CFAP54: variants seen among roughly 807,000 people sequenced by gnomAD.
CFAP54 encodes cilia- and flagella-associated protein 54.
In CFAP54, 290 loss-of-function variants were observed where a neutral mutation model predicts 370.4. The ratio of observed to expected loss-of-function variants is 0.78; its 90% confidence interval spans 0.71 to 0.86. The LOEUF is 0.86. Ranked by LOEUF, CFAP54 falls within the 40% of genes least tolerant of loss-of-function variation. The probability of loss-of-function intolerance (pLI) is 0.00; values close to 1 mark genes in which losing one functional copy is unlikely to be tolerated. For missense variants in CFAP54, 3,399 were observed against 3,528.7 expected (o/e 0.96, Z 0.93); for synonymous variants, 1,206 against 1,236.5 (o/e 0.98, Z 0.52).
At position 96,718,404 on chromosome 12, in the gene CFAP54, A is replaced by G. The variant is rs371434831; in HGVS notation, c.6725-39A>G. ...TAGAATTAATATTTAAACTAACCATAGATATCCTTGGTCCTTCCAAAATTT... is the reference window on the plus strand; with the variant it reads ...TAGAATTAATATTTAAACTAACCATGGATATCCTTGGTCCTTCCAAAATTT... On this transcript the variant is annotated intron_variant, in intron 48 of 67. Coordinates refer to ENST00000524981, the MANE Select transcript of CFAP54 (RefSeq NM_001306084.2). 49 of 935,798 alleles carry G rather than the reference A, an allele frequency of 5.2e-5. No homozygotes were observed. In the African/African-American group the frequency reaches 7.7e-4, roughly 15 times the overall value. 58.0% of individuals were successfully genotyped at this position (935,798 alleles called of 1,614,324 possible). A position where few individuals can be genotyped will look rare whatever the true frequency, so the allele number is the denominator to read the frequency against.
intron 50 of CFAP54, among the ~76,000 whole-genome samples, chr12:96,735,393 G>A (rs1233924230): frequency 6.6e-6 from 1 of 152,124 alleles, no homozygotes; most frequent in Non-Finnish European, 1.5e-5. Context: ...AACTCAGAAG[G>A]GGTTCACTAT....
At chr12:96,644,677 C>G (rs998988772) in intron 33 of CFAP54, among the ~76,000 whole-genome samples, 2 of 152,068 alleles carry the variant, frequency 1.3e-5, no homozygotes, top group South Asian at 4.2e-4. Context: ...GCAAACATGT[C>G]CTTCTACACA....
intron 67 of CFAP54, among the ~76,000 whole-genome samples, chr12:96,869,343 G>A (rs1282436166): frequency 1.3e-5 from 2 of 152,146 alleles, no homozygotes; most frequent in African/African-American, 2.4e-5. Flanking sequence ...TTCAAAGGCT[G>A]ATTCTTTGAA....
chr12:96,706,819 CGT>C (rs1166737806), intron 47 of CFAP54, among the ~76,000 whole-genome samples: 1 of 151,490 alleles, frequency 6.6e-6, no homozygotes, highest in Non-Finnish European at 1.5e-5. Context: ...TGTGTGCGCA[CGT>C]GTGTGTGTGC....
At chr12:96,587,546 G>A (rs552986463) in intron 22 of CFAP54, among the ~76,000 whole-genome samples, 2 of 152,170 alleles carry the variant, frequency 1.3e-5, no homozygotes, top group Non-Finnish European at 2.9e-5. Flanking sequence ...TTTTGAACAT[G>A]CTTATATCAT....
At chr12:96,825,302 A>C (rs1414958986) in intron 65 of CFAP54, among the ~76,000 whole-genome samples, 4 of 125,522 alleles carry the variant, frequency 3.2e-5, no homozygotes, top group African/African-American at 1.2e-4. Context: ...ATAATATATT[A>C]TATATATAAT....
At chr12:96,605,038 G>A (rs1406700681) in intron 26 of CFAP54, among the ~76,000 whole-genome samples, 1 of 152,202 alleles carries the variant, frequency 6.6e-6, no homozygotes, top group Non-Finnish European at 1.5e-5. Flanking sequence ...TGGAAATGCA[G>A]CAATCACCTG....
chr12:96,708,777 G>A lies in CFAP54; in HGVS notation c.6698G>A (p.Ser2233Asn). The A allele has an allele frequency of 6.2e-7, 1 of 1,602,422 alleles. No individual in the cohort carries two copies. The change falls in exon 48 of 68, where the codon AGC becomes AAC. Residue 2233 changes from serine (S) to asparagine (N), a missense_variant. By Grantham distance (46) the Ser-to-Asn change is conservative. Coordinates refer to ENST00000524981, the MANE Select transcript of CFAP54 (RefSeq NM_001306084.2). ...TTTAAGACAGTAATTACCAACAAGAGCAAACCAAACCTACCAAACTTGGAA... is the reference window on the plus strand; with the variant it reads ...TTTAAGACAGTAATTACCAACAAGAACAAACCAAACCTACCAAACTTGGAA... ...NKFKTVITNK[S>N]KPNLPNLEEI...
chr12:96,527,777 C>G (rs1454377345), intron 9 of CFAP54, among the ~76,000 whole-genome samples: 1 of 152,078 alleles, frequency 6.6e-6, no homozygotes, highest in South Asian at 2.1e-4. Context: ...CCGTGTTTCC[C>G]AGTCTGGTCT....
intron 9 of CFAP54, among the ~76,000 whole-genome samples, chr12:96,530,118 A>G (rs989159200): frequency 1.2e-4 from 18 of 152,156 alleles, no homozygotes; most frequent in African/African-American, 4.3e-4. Flanking sequence ...CTTAGTCATA[A>G]ATTAGGTGGC....
intron 10 of CFAP54, 24 bp from the exon 11 acceptor site, chr12:96,534,038 A>G: frequency 1.3e-6 from 2 of 1,503,920 alleles, no homozygotes; most frequent in East Asian, 2.5e-5. Flanking sequence ...TTACTAATTA[A>G]CGTGTGGGAT....
In CFAP54 at chr12:96,825,444, T is replaced by TTATATTATATATAATATAATATATTATA. The variant is rs1592788023; in HGVS notation, c.9097-3558_9097-3531dup. Reference sequence around the variant, plus strand: ...CATGTTATATTATATATAATATATGTTATATTATATATAATATAATATATT... The same window carrying TTATATTATATATAATATAATATATTATA: ...CATGTTATATTATATATAATATATGTTATATTATATATAATATAATATATTATATATATTATATATAATATAATATATT... On this transcript the variant is annotated intron_variant, in intron 65 of 67. Coordinates refer to ENST00000524981, the MANE Select transcript of CFAP54 (RefSeq NM_001306084.2). 6.8e-5 allele frequency among the ~76,000 whole-genome samples: 8 copies of TTATATTATATATAATATAATATATTATA among 118,112 alleles called. No homozygotes were observed. The East Asian group carries it at 1.2e-3, about 17-fold the overall frequency. The allele number at this position is 118,112 out of a possible 152,430, so 77.5% of individuals were successfully genotyped here. A position where few individuals can be genotyped will look rare whatever the true frequency, so the allele number is the denominator to read the frequency against.
chr12:96,872,211 G>A (rs1431868499), intron 67 of CFAP54, among the ~76,000 whole-genome samples: 1 of 152,114 alleles, frequency 6.6e-6, no homozygotes, highest in Admixed American at 6.5e-5. Flanking sequence ...TCCTAAGGAA[G>A]AGGGCAATAA....
chr12:96,703,099 A>G lies in CFAP54; in HGVS notation c.6475-1644A>G, dbSNP rs1173330910. ...AGAAGGGAAAAATTTTTAAAACACC[A>G]ATACTTTTTCAATAAAAGCTATCTG... On this transcript the variant is annotated intron_variant, in intron 46 of 67. Transcript: ENST00000524981. 2.0e-5 allele frequency among the ~76,000 whole-genome samples: 3 copies of G among 152,212 alleles called. No homozygotes were observed. The East Asian group carries it at 5.8e-4, about 29-fold the overall frequency.
chr12:96,596,789 GC>G lies in CFAP54; in HGVS notation c.3517-1855del, dbSNP rs749484787. ...AAAATATCTCCAAATGCGACAGAGG[GC>G]AAGTATATATACATGTATAACAAAA... On this transcript the variant is annotated intron_variant, in intron 25 of 67. Transcript: ENST00000524981. Among the ~76,000 whole-genome samples, 7 of 152,082 alleles carry G rather than the reference GC, an allele frequency of 4.6e-5. No individual in the cohort carries two copies. The East Asian group carries it at 7.7e-4, about 17-fold the overall frequency.
chr12:96,686,999 T>A (rs2371226), intron 42 of CFAP54, among the ~76,000 whole-genome samples: 1 of 151,786 alleles, frequency 6.6e-6, no homozygotes, highest in Non-Finnish European at 1.5e-5. Flanking sequence ...AGGCTCCTGG[T>A]GAGAAGCTGC....
chr12:96,566,417 G>T (rs916919105), intron 19 of CFAP54, among the ~76,000 whole-genome samples: 15 of 152,174 alleles, frequency 9.9e-5, no homozygotes, highest in African/African-American at 3.6e-4. Flanking sequence ...ATGGTGGTAT[G>T]ACATTATCCT....
At chr12:96,762,826 A>G (rs1958354391) in intron 58 of CFAP54, among the ~76,000 whole-genome samples, 1 of 151,670 alleles carries the variant, frequency 6.6e-6, no homozygotes, top group South Asian at 2.1e-4. Flanking sequence ...AGATTTCCCC[A>G]TAGGTAGATC....
intron 60 of CFAP54, among the ~76,000 whole-genome samples, chr12:96,775,691 G>A (rs950897720): frequency 9.2e-5 from 14 of 152,154 alleles, no homozygotes; most frequent in Non-Finnish European, 1.8e-4. Flanking sequence ...TGTTTTTGTT[G>A]ACAAGATGTT....
Sources: allele counts gnomAD v4.1 joint callset (sites outside exome capture counted in the v4.1 genomes callset), GRCh38; gene constraint gnomAD v4.1.1; transcripts MANE v1.5; gene names NCBI Gene and HGNC (gene_info 2026-07-23, HGNC 2026-07-21).